CNBD1: variants seen among roughly 807,000 people sequenced by gnomAD.
CNBD1 encodes the protein cyclic nucleotide binding domain containing 1, also known as cyclic nucleotide-binding domain-containing protein 1.
Under a neutral mutation model 54.4 loss-of-function variants are expected in CNBD1, and 71 were observed. The observed-to-expected ratio is 1.30, with a 90% CI of 1.08 to 1.59. CNBD1 has a LOEUF of 1.59. Ranked by LOEUF, CNBD1 falls within the 40% of genes most tolerant of loss-of-function variation. The pLI is 0.00. For missense variants in CNBD1, 659 were observed against 518.0 expected, an observed-to-expected ratio of 1.27 and a Z score of -2.64; for synonymous variants, 182 against 170.7, an observed-to-expected ratio of 1.07 and a Z score of -0.51.
At chr8:86,957,129 T>C (rs1807797049) in intron 4 of CNBD1, among the ~76,000 whole-genome samples, 2 of 152,192 alleles carry the variant, frequency 1.3e-5, no homozygotes, top group Admixed American at 1.3e-4. Context: ...ATGGATTACG[T>C]TTATTGATTG....
intron 8 of CNBD1, among the ~76,000 whole-genome samples, chr8:87,342,937 C>G (rs1206740950): frequency 6.6e-6 from 1 of 152,064 alleles, no homozygotes; most frequent in Admixed American, 6.6e-5. Flanking sequence ...CTGGAATTTC[C>G]CAATCCTAGC....
At chr8:87,068,173 A>G (rs746619595) in intron 4 of CNBD1, among the ~76,000 whole-genome samples, 2 of 152,052 alleles carry the variant, frequency 1.3e-5, no homozygotes, top group Non-Finnish European at 2.9e-5. Context: ...CTCAGACAGC[A>G]GCAGAAGTGC....
chr8:87,189,818 C>T (rs1197410848), intron 4 of CNBD1, among the ~76,000 whole-genome samples: 1 of 152,056 alleles, frequency 6.6e-6, no homozygotes, highest in African/African-American at 2.4e-5. Context: ...TTCATTCATC[C>T]TTGACTGATT....
intron 2 of CNBD1, among the ~76,000 whole-genome samples, chr8:87,416,378 G>T (rs1586089320): frequency 6.6e-6 from 1 of 152,004 alleles, no homozygotes; most frequent in East Asian, 1.9e-4. Flanking sequence ...AATCTGGAGA[G>T]CATTTATTCA....
At chr8:87,361,493 A>G (rs1239573142) in intron 10 of CNBD1, among the ~76,000 whole-genome samples, 1 of 151,830 alleles carries the variant, frequency 6.6e-6, no homozygotes, top group African/African-American at 2.4e-5. Flanking sequence ...TGAAAAAGCA[A>G]TTTCACTATA....
intron 8 of CNBD1, among the ~76,000 whole-genome samples, chr8:87,307,024 G>GA (rs1441298055): frequency 6.6e-6 from 1 of 151,908 alleles, no homozygotes; most frequent in Non-Finnish European, 1.5e-5. Flanking sequence ...AAAATGATAG[G>GA]AAAAAATAAA....
chr8:86,971,615 C>A (rs1808220190), intron 4 of CNBD1, among the ~76,000 whole-genome samples: 1 of 151,918 alleles, frequency 6.6e-6, no homozygotes. Flanking sequence ...GTATATTTTG[C>A]ATTTATTTTA....
intron 10 of CNBD1, among the ~76,000 whole-genome samples, chr8:87,371,832 A>T (rs554799858): frequency 6.6e-6 from 1 of 151,910 alleles, no homozygotes; most frequent in African/African-American, 2.4e-5. Context: ...TTGACAGGAC[A>T]TATCTCAAAA....
rs532587636 is a variant in CNBD1 at position 87,254,594 on chromosome 8, G to A, written c.771+17482G>A. On this transcript the variant is annotated intron_variant, in intron 6 of 10. Transcript: ENST00000518476. ...ATAGATATGCATGTAGAGGGATGGT[G>A]CTAATGACTTCACTGTAACAAAGAT... 6.9e-4 allele frequency among the ~76,000 whole-genome samples: 105 copies of A among 152,268 alleles called. 1 individual carries two copies. The highest frequency in any genetic ancestry group is 2.4e-3 in the African/African-American group (98 of 41,564).
chr8:87,342,382 C>A (rs1810083319), intron 8 of CNBD1, among the ~76,000 whole-genome samples: 1 of 151,968 alleles, frequency 6.6e-6, no homozygotes, highest in African/African-American at 2.4e-5. Flanking sequence ...TTGTTTGAAA[C>A]CAATTTATTT....
chr8:86,911,490 T>C (rs1287463191), intron 3 of CNBD1, among the ~76,000 whole-genome samples: 1 of 152,256 alleles, frequency 6.6e-6, no homozygotes, highest in African/African-American at 2.4e-5. Context: ...TAGATGTATG[T>C]ATTTTTGGAC....
At chr8:87,210,426 A>G (rs1814072550) in intron 5 of CNBD1, among the ~76,000 whole-genome samples, 1 of 152,198 alleles carries the variant, frequency 6.6e-6, no homozygotes, top group Non-Finnish European at 1.5e-5. Flanking sequence ...TAGCCAAGAC[A>G]GTGGGAAAAA....
intron 1 of CNBD1, 37 bp downstream of exon 1, chr8:86,866,620 C>G (rs1808368737): frequency 2.7e-6 from 4 of 1,472,776 alleles, no homozygotes; most frequent in Non-Finnish European, 2.8e-6. Context: ...TATTCACCTA[C>G]CATTGTTTTC....
Position 86,870,189 on chromosome 8 carries a change from C to CTTTTTTTTTTT in CNBD1, c.88+3611_88+3621dup, listed in dbSNP as rs71275890. On this transcript the variant is annotated intron_variant, in intron 1 of 10. Transcript: ENST00000518476. ...AGAAATTTAGAAACAAGATAGTACT[C>CTTTTTTTTTTT]TTTTTTTTTTTTTTTCTGAGACGGA... Among the ~76,000 whole-genome samples the CTTTTTTTTTTT allele has an allele frequency of 4.4e-4, 44 of 100,600 alleles. 9 individuals carry two copies. In the East Asian group the frequency reaches 8.9e-3, roughly 20 times the overall value. 66.0% of individuals were successfully genotyped at this position (100,600 alleles called of 152,430 possible).
At chr8:86,938,769 T>C (rs1449320124) in intron 3 of CNBD1, among the ~76,000 whole-genome samples, 9 of 152,206 alleles carry the variant, frequency 5.9e-5, no homozygotes, top group African/African-American at 2.2e-4. Flanking sequence ...CCATATCACA[T>C]GGTTAGTGTT....
At chr8:86,923,838 G>T (rs567084886) in intron 3 of CNBD1, among the ~76,000 whole-genome samples, 4 of 152,272 alleles carry the variant, frequency 2.6e-5, no homozygotes, top group African/African-American at 9.6e-5. Context: ...TAGAAGGACA[G>T]GTGACATCAG....
At chr8:87,428,166 G>T (rs992277067) in intron 2 of CNBD1, among the ~76,000 whole-genome samples, 3 of 149,912 alleles carry the variant, frequency 2.0e-5, no homozygotes, top group African/African-American at 4.9e-5. Flanking sequence ...AAAAAAAAAA[G>T]TCAGAAAAAC....
chr8:87,051,759 CT>C (rs1563450228), intron 4 of CNBD1, among the ~76,000 whole-genome samples: 2 of 152,306 alleles, frequency 1.3e-5, no homozygotes, highest in East Asian at 3.9e-4. Context: ...TGCCTTCATT[CT>C]GGTAAACCCA....
chr8:87,075,538 C>G (rs1810850656), intron 4 of CNBD1, among the ~76,000 whole-genome samples: 1 of 152,136 alleles, frequency 6.6e-6, no homozygotes, highest in Non-Finnish European at 1.5e-5. Flanking sequence ...CTCCCTAGTT[C>G]CTGTTTTTGT....
Sources: allele counts gnomAD v4.1 joint callset (sites outside exome capture counted in the v4.1 genomes callset), GRCh38; gene constraint gnomAD v4.1.1; transcripts MANE v1.5; gene names NCBI Gene and HGNC (gene_info 2026-07-23, HGNC 2026-07-21).